The following UBQLN1 variants were observed in gnomAD, a reference collection of about 807,000 sequenced individuals.
UBQLN1 encodes the protein ubiquilin 1.
UBQLN1 carries 13 observed loss-of-function variants against 65.4 expected under a neutral mutation model. The ratio of observed to expected loss-of-function variants is 0.20; its 90% CI spans 0.13 to 0.32. UBQLN1 has a LOEUF of 0.32. Among genes scored for constraint, UBQLN1 ranks in the 10% least tolerant of loss-of-function variants. The pLI is 1.00. For synonymous variants in UBQLN1, 267 were observed against 247.8 expected (o/e 1.08, Z -0.73); for missense variants, 561 against 724.0 (o/e 0.77, Z 2.58).
intron 4 of UBQLN1, among the ~76,000 whole-genome samples, chr9:83,679,276 C>A (rs1831899566): frequency 6.6e-6 from 1 of 152,204 alleles, no homozygotes; most frequent in South Asian, 2.1e-4. Context: ...CTTTCTTCAG[C>A]CCTTTTATGC....
At chr9:83,665,175 A>G (rs1237873349) in intron 8 of UBQLN1, 30 bp from the exon 9 acceptor site, 1 of 1,504,018 alleles carries the variant, frequency 6.6e-7, no homozygotes, top group Non-Finnish European at 9.1e-7. Context: ...AGTGGTTACA[A>G]AGGAATTAAA....
At chr9:83,691,567 G>C (rs186693988) in intron 1 of UBQLN1, among the ~76,000 whole-genome samples, 2 of 152,262 alleles carry the variant, frequency 1.3e-5, no homozygotes, top group East Asian at 1.9e-4. Context: ...AGTAGAGTAG[G>C]ACACTACACC....
chr9:83,686,153 A>T lies in UBQLN1; in HGVS notation c.183T>A (p.Phe61Leu). ...TAAAACGTTTAGAGATTTCTTCCTT[A>T]AACTAAATAAAAATAAAATAAGTAT... ...AVPENSSVQQFKEEISKRFKS... is the reference protein window; with the variant it reads ...AVPENSSVQQLKEEISKRFKS... Residue 61 changes from phenylalanine to leucine, a missense_variant and splice_region_variant, in exon 2 of 11, where the codon TTT (phenylalanine) becomes TTA (leucine). Physicochemically the swap from Phe to Leu is conservative, Grantham distance 22 (BLOSUM62 0). This residue lies in a region of UBQLN1 where 101 missense variants were observed against 104.9 expected (regional missense o/e 0.96). Transcript: ENST00000376395. 6.5e-7 allele frequency: 1 copy of T among 1,545,762 alleles called. No individual in the cohort carries two copies. The highest frequency in any genetic ancestry group is 8.7e-7 in the Non-Finnish European group (1 of 1,143,600).
intron 4 of UBQLN1, among the ~76,000 whole-genome samples, chr9:83,678,910 A>T (rs1173415458): frequency 6.6e-6 from 1 of 151,924 alleles, no homozygotes; most frequent in Non-Finnish European, 1.5e-5. Flanking sequence ...TTTAGTAGAG[A>T]CGGGGTTTCA....
At chr9:83,667,560 T>C (rs1049187779) in intron 7 of UBQLN1, 2 of 985,326 alleles carry the variant, frequency 2.0e-6, no homozygotes, top group African/African-American at 3.5e-5. Context: ...TCACAGTAAG[T>C]AAACTCATAC....
chr9:83,693,754 G>C (rs958695481), intron 1 of UBQLN1, among the ~76,000 whole-genome samples: 1 of 152,172 alleles, frequency 6.6e-6, no homozygotes, highest in African/African-American at 2.4e-5. Context: ...ACATATGGAG[G>C]AAAGAGAGGA....
chr9:83,693,726 G>C (rs539883890), intron 1 of UBQLN1, among the ~76,000 whole-genome samples: 83 of 152,234 alleles, frequency 5.5e-4, no homozygotes, highest in African/African-American at 1.9e-3. Flanking sequence ...AATTGTTTTT[G>C]AGAAGAAAAT....
chr9:83,707,942 A>T lies in UBQLN1; in HGVS notation c.-263T>A. 2 of 502,640 alleles carry T rather than the reference A, an allele frequency of 4.0e-6. No individual in the cohort carries two copies. Among genetic ancestry groups the T allele is most frequent in the Non-Finnish European group, 6.9e-6 (2 of 291,412 alleles). 31.1% of individuals were successfully genotyped at this position (502,640 alleles called of 1,614,324 possible). A position where few individuals can be genotyped will look rare whatever the true frequency, so the allele number is the denominator to read the frequency against. Reference sequence around the variant, plus strand: ...GCTCACACCGACATCCGCAGCAGCCACCGCTTCCTCCTCCCTGCCCCTTCC... The same window carrying T: ...GCTCACACCGACATCCGCAGCAGCCTCCGCTTCCTCCTCCCTGCCCCTTCC... On this transcript the variant is annotated 5_prime_UTR_variant, in exon 1 of 11. Transcript: ENST00000376395.
At chr9:83,689,626 C>T (rs1832094182) in intron 1 of UBQLN1, among the ~76,000 whole-genome samples, 2 of 152,054 alleles carry the variant, frequency 1.3e-5, no homozygotes, top group Non-Finnish European at 2.9e-5. Flanking sequence ...AATTAAACTA[C>T]CAAAAAGATA....
At chr9:83,680,122 G>GT (rs1258891833) in intron 3 of UBQLN1, 85 bp from the exon 4 acceptor site, 33 of 1,369,670 alleles carry the variant, frequency 2.4e-5, no homozygotes, top group Admixed American at 9.7e-5. Flanking sequence ...ATGCAAAAAA[G>GT]TATTAGCTGA....
intron 1 of UBQLN1, among the ~76,000 whole-genome samples, chr9:83,692,002 G>A (rs1832137064): frequency 6.6e-6 from 1 of 152,140 alleles, no homozygotes. Flanking sequence ...CCACTTCCAA[G>A]TAGAAGGCTA....
chr9:83,707,701 G>C lies in UBQLN1; in HGVS notation c.-22C>G. ...CCATGGCTGTGGCGGCGGCGGCGGC[G>C]GTGACTCAGGCAAGCAGGAGGGAGC... is the stretch of plus-strand genomic sequence containing the variant. On this transcript the variant is annotated 5_prime_UTR_variant, in exon 1 of 11. Coordinates refer to ENST00000376395, the MANE Select transcript of UBQLN1 (RefSeq NM_013438.5). 1 of 1,524,690 alleles carries C rather than the reference G, an allele frequency of 6.6e-7. No homozygotes were observed. The highest frequency in any genetic ancestry group is 8.8e-7 in the Non-Finnish European group (1 of 1,142,232). The allele number at this position is 1,524,690 out of a possible 1,614,324, so 94.4% of individuals were successfully genotyped here. A position where few individuals can be genotyped will look rare whatever the true frequency, so the allele number is the denominator to read the frequency against.
chr9:83,699,105 A>C (rs1056023181), intron 1 of UBQLN1, among the ~76,000 whole-genome samples: 1 of 152,038 alleles, frequency 6.6e-6, no homozygotes, highest in Non-Finnish European at 1.5e-5. Context: ...GAATGGGGAA[A>C]ATGGGGAGTT....
At chr9:83,695,692 T>C (rs912382996) in intron 1 of UBQLN1, among the ~76,000 whole-genome samples, 7 of 152,200 alleles carry the variant, frequency 4.6e-5, no homozygotes, top group Non-Finnish European at 7.4e-5. Context: ...AGGCAGACTG[T>C]TGCCATATCT....
intron 2 of UBQLN1, among the ~76,000 whole-genome samples, chr9:83,683,788 C>G (rs1434765211): frequency 1.3e-5 from 2 of 152,068 alleles, no homozygotes; most frequent in African/African-American, 2.4e-5. Flanking sequence ...TTTGCGAGGC[C>G]GAGGCAGGCG....
chr9:83,707,674 G>T lies in UBQLN1; in HGVS notation c.6C>A (p.Ala2=). 2 of 1,543,686 alleles carry T rather than the reference G, an allele frequency of 1.3e-6. No individual in the cohort carries two copies. Among genetic ancestry groups the T allele is most frequent in the Non-Finnish European group, 1.7e-6 (2 of 1,148,362 alleles). M[A]ESGESGGPPG... ...GAGGACCGCCGCTTTCACCACTCTC[G>T]GCCATGGCTGTGGCGGCGGCGGCGG... is the stretch of plus-strand genomic sequence containing the variant. The change falls in exon 1 of 11, where the codon GCC becomes GCA. Residue 2 remains alanine, a synonymous_variant. Transcript: ENST00000376395.
chr9:83,673,224 A>C (rs956278464), intron 6 of UBQLN1, among the ~76,000 whole-genome samples: 1 of 150,172 alleles, frequency 6.7e-6, no homozygotes, highest in Non-Finnish European at 1.5e-5. Flanking sequence ...CTCTGTCTCA[A>C]ACAAAACAAA....
intron 7 of UBQLN1, chr9:83,668,816 G>T: frequency 8.6e-6 from 2 of 232,124 alleles, no homozygotes; most frequent in Non-Finnish European, 1.4e-5. Flanking sequence ...CTAAATAAAA[G>T]TATTTCAAAT....
At chr9:83,702,418 C>T (rs1169231583) in intron 1 of UBQLN1, among the ~76,000 whole-genome samples, 2 of 152,094 alleles carry the variant, frequency 1.3e-5, no homozygotes, top group East Asian at 3.9e-4. Flanking sequence ...AATGATCTCA[C>T]AGACATTTTT....
Sources: allele counts gnomAD v4.1 joint callset (sites outside exome capture counted in the v4.1 genomes callset), GRCh38; gene constraint gnomAD v4.1.1; regional missense constraint gnomAD v4.1.1; transcripts MANE v1.5; gene names NCBI Gene and HGNC (gene_info 2026-07-23, HGNC 2026-07-21).